ZC2HC1A: variants seen among roughly 807,000 people sequenced by gnomAD.
The protein encoded by ZC2HC1A is zinc finger C2HC domain-containing protein 1A.
Under a neutral mutation model 40.7 loss-of-function variants are expected in ZC2HC1A, and 28 were observed. The observed-to-expected ratio is 0.69, with a 90% confidence interval of 0.51 to 0.94. The LOEUF is 0.94. Among genes scored for constraint, ZC2HC1A ranks in the 40% least tolerant of loss-of-function variants. The probability of loss-of-function intolerance (pLI) is 0.00; values close to 1 mark genes in which losing one functional copy is unlikely to be tolerated. For synonymous variants in ZC2HC1A, 129 were observed against 129.2 expected (o/e 1.00, Z 0.01); for missense variants, 389 against 386.3 (o/e 1.01, Z -0.06).
intron 7 of ZC2HC1A, among the ~76,000 whole-genome samples, chr8:78,702,235 T>A (rs1006097457): frequency 6.6e-6 from 1 of 152,186 alleles, no homozygotes; most frequent in African/African-American, 2.4e-5. Flanking sequence ...CCATTTCTTC[T>A]AGATTTTCTA....
intron 8 of ZC2HC1A, among the ~76,000 whole-genome samples, chr8:78,716,528 AAAAT>A (rs1258053908): frequency 8.5e-5 from 13 of 152,192 alleles, no homozygotes; most frequent in Non-Finnish European, 1.9e-4. Context: ...TAATAAAACT[AAAAT>A]AAATACTAGA....
intron 4 of ZC2HC1A, among the ~76,000 whole-genome samples, chr8:78,687,453 T>A (rs1810024307): frequency 1.4e-5 from 2 of 146,150 alleles, no homozygotes; most frequent in African/African-American, 2.5e-5. Context: ...ATAGACTATA[T>A]ATACATAATT....
At chr8:78,666,473 G>A (rs1268416558) in intron 1 of ZC2HC1A, among the ~76,000 whole-genome samples, 2 of 152,204 alleles carry the variant, frequency 1.3e-5, no homozygotes, top group Admixed American at 6.5e-5. Context: ...ACTCCTGAGT[G>A]CCCTTTTAGT....
At chr8:78,706,625 G>C (rs978059092) in intron 7 of ZC2HC1A, among the ~76,000 whole-genome samples, 1 of 152,072 alleles carries the variant, frequency 6.6e-6, no homozygotes, top group Admixed American at 6.5e-5. Context: ...GTTCTCTGTG[G>C]GTCAAGTTGT....
At chr8:78,668,396 T>C (rs1268292928) in intron 1 of ZC2HC1A, among the ~76,000 whole-genome samples, 1 of 152,166 alleles carries the variant, frequency 6.6e-6, no homozygotes, top group Non-Finnish European at 1.5e-5. Context: ...TGTGTCAGAG[T>C]AATTGCGTAA....
intron 7 of ZC2HC1A, chr8:78,711,899 C>T: frequency 1.4e-6 from 1 of 715,356 alleles, no homozygotes; most frequent in Admixed American, 2.7e-5. Context: ...GAGTAGATAT[C>T]TGATGAACCA....
rs116062723 is a variant in ZC2HC1A at position 78,678,824 on chromosome 8, G to A, written c.210+145G>A. ...GAATAAATACAATTCTGTGTTATAT[G>A]TTCAGTTTAGAAATTATCTGAAGCT... On this transcript the variant is annotated intron_variant, in intron 3 of 8. Transcript: ENST00000263849. The A allele has an allele frequency of 4.6e-4, 218 of 475,228 alleles. 1 individual carries two copies. Among genetic ancestry groups the A allele is most frequent in the African/African-American group, 4.0e-3 (200 of 49,450 alleles). 29.4% of individuals were successfully genotyped at this position (475,228 alleles called of 1,614,324 possible).
chr8:78,693,382 C>T (rs1477424084), intron 5 of ZC2HC1A, among the ~76,000 whole-genome samples: 1 of 152,192 alleles, frequency 6.6e-6, no homozygotes, highest in Non-Finnish European at 1.5e-5. Context: ...TCCACATCCT[C>T]TCCAGCACCT....
chr8:78,718,138 A>C lies in ZC2HC1A; in HGVS notation c.*645A>C, dbSNP rs928702679. The C allele has an allele frequency of 6.6e-6, 1 of 152,062 alleles. No individual in the cohort carries two copies. The highest frequency in any genetic ancestry group is 2.4e-5 in the African/African-American group (1 of 41,450). The allele number at this position is 152,062 out of a possible 1,614,324, so 9.4% of individuals were successfully genotyped here. On this transcript the variant is annotated 3_prime_UTR_variant, in exon 9 of 9. Coordinates refer to ENST00000263849, the MANE Select transcript of ZC2HC1A (RefSeq NM_016010.3). ...TATGCAATTTCCTTTTCAAATACAC[A>C]AGACTAAAAATACAAATCTATCTTG...
chr8:78,716,039 C>CAA lies in ZC2HC1A; in HGVS notation c.812+726_812+727dup, dbSNP rs753499894. Among the ~76,000 whole-genome samples the CAA allele has an allele frequency of 8.2e-3, 470 of 57,048 alleles. 6 individuals carry two copies. Among genetic ancestry groups the CAA allele is most frequent in the African/African-American group, 0.031 (438 of 14,230 alleles). 37.4% of individuals were successfully genotyped at this position (57,048 alleles called of 152,430 possible). A position where few individuals can be genotyped will look rare whatever the true frequency, so the allele number is the denominator to read the frequency against. On this transcript the variant is annotated intron_variant, in intron 8 of 8. Coordinates refer to ENST00000263849, the MANE Select transcript of ZC2HC1A (RefSeq NM_016010.3). ...TCAGTGACAGAGCGAGACTCCATCT[C>CAA]AAAAAAAAAAAAAAAAGGCTGTTAT...
At chr8:78,695,333 A>G (rs1810363856) in intron 5 of ZC2HC1A, among the ~76,000 whole-genome samples, 1 of 152,160 alleles carries the variant, frequency 6.6e-6, no homozygotes, top group Admixed American at 6.5e-5. Context: ...GGAAGCCATT[A>G]AGTTGTTAAT....
intron 4 of ZC2HC1A, among the ~76,000 whole-genome samples, chr8:78,687,778 A>T (rs1302679848): frequency 1.5e-5 from 2 of 131,010 alleles, no homozygotes; most frequent in African/African-American, 5.7e-5. Context: ...CATTATATAT[A>T]TATTTACGTA....
intron 7 of ZC2HC1A, among the ~76,000 whole-genome samples, chr8:78,709,619 AG>A (rs1307064362): frequency 6.6e-6 from 1 of 152,098 alleles, no homozygotes; most frequent in African/African-American, 2.4e-5. Context: ...GCCTTAGAGC[AG>A]GGGGGTGTTC....
Position 78,717,586 on chromosome 8 carries a change from A to G in ZC2HC1A, c.*93A>G. 3.0e-6 allele frequency: 4 copies of G among 1,351,630 alleles called. No individual in the cohort carries two copies. The highest frequency in any genetic ancestry group is 4.0e-6 in the Non-Finnish European group (4 of 1,002,020). 83.7% of individuals were successfully genotyped at this position (1,351,630 alleles called of 1,614,324 possible). ...GCACATCCTCTAGTTAGTTTGTGCTAAAAATACTCGAAATACCATTTCCAG... is the reference window on the plus strand; with the variant it reads ...GCACATCCTCTAGTTAGTTTGTGCTGAAAATACTCGAAATACCATTTCCAG... On this transcript the variant is annotated 3_prime_UTR_variant, in exon 9 of 9. Coordinates refer to ENST00000263849, the MANE Select transcript of ZC2HC1A (RefSeq NM_016010.3).
At chr8:78,686,718 G>T (rs1283228861) in intron 4 of ZC2HC1A, 110 bp downstream of exon 4, 2 of 1,169,306 alleles carry the variant, frequency 1.7e-6, no homozygotes, top group Non-Finnish European at 2.2e-6. Flanking sequence ...GTGTTATGAG[G>T]CATAATCTTT....
At chr8:78,676,010 C>G (rs1234810968) in intron 2 of ZC2HC1A, 147 bp downstream of exon 2, 5 of 509,298 alleles carry the variant, frequency 9.8e-6, no homozygotes, top group Non-Finnish European at 1.3e-5. Context: ...TTGATTTCAG[C>G]TATGCCATTC....
intron 2 of ZC2HC1A, among the ~76,000 whole-genome samples, 185 bp from the exon 3 acceptor site, chr8:78,678,378 A>G (rs1266245023): frequency 6.6e-6 from 1 of 152,184 alleles, no homozygotes; most frequent in African/African-American, 2.4e-5. Flanking sequence ...TAGAGCGTGC[A>G]TTATATATAC....
At position 78,710,250 on chromosome 8, in the gene ZC2HC1A, T is replaced by G. The variant is rs139523485; in HGVS notation, c.705-4971T>G. Among the ~76,000 whole-genome samples, 582 of 152,262 alleles carry G rather than the reference T, an allele frequency of 3.8e-3. 4 individuals are homozygous for G. Among genetic ancestry groups the G allele is most frequent in the Middle Eastern group, 0.021 (6 of 292 alleles). On this transcript the variant is annotated intron_variant, in intron 7 of 8. Transcript: ENST00000263849. ...ATTATAGCCTAAAAATAGCATTCAT[T>G]AACTTTTAGCCTAAGTAACATTTGA... is the stretch of plus-strand genomic sequence containing the variant.
intron 1 of ZC2HC1A, among the ~76,000 whole-genome samples, chr8:78,668,113 G>C (rs1346208410): frequency 1.3e-5 from 2 of 152,088 alleles, no homozygotes; most frequent in Non-Finnish European, 2.9e-5. Flanking sequence ...AAAAGCTCTT[G>C]AGAATTTTCT....
Sources: gnomAD v4.1 joint callset for allele counts (sites outside exome capture counted in the v4.1 genomes callset) on GRCh38, gnomAD v4.1.1 for gene constraint, MANE v1.5 for transcripts, NCBI Gene and HGNC (gene_info 2026-07-23, HGNC 2026-07-21) for gene names.